The following HMCN2 variants were observed in gnomAD, a reference collection of about 807,000 sequenced individuals.
HMCN2 encodes hemicentin 2.
A neutral mutation model predicts 377.5 loss-of-function variants in HMCN2; 325 were observed. The ratio of observed to expected loss-of-function variants is 0.86; its 90% CI spans 0.79 to 0.94. The LOEUF is 0.94. Ranked by LOEUF, HMCN2 falls within the 40% of genes least tolerant of loss-of-function variation. The pLI is 0.00. For synonymous variants in HMCN2, 2,007 were observed against 2,046.8 expected (o/e 0.98, Z 0.53); for missense variants, 4,543 against 4,725.3 (o/e 0.96, Z 1.13).
chr9:130,387,015 G>C (rs543741665), intron 61 of HMCN2, among the ~76,000 whole-genome samples: 1 of 152,232 alleles, frequency 6.6e-6, no homozygotes, highest in African/African-American at 2.4e-5. Flanking sequence ...TCTATAAAGT[G>C]CTGGGCACAG....
chr9:130,416,396 C>A (rs1315864346), intron 85 of HMCN2, among the ~76,000 whole-genome samples: 1 of 152,176 alleles, frequency 6.6e-6, no homozygotes, highest in Non-Finnish European at 1.5e-5. Context: ...TGAGTCACTG[C>A]GCCTGGCCTC....
intron 87 of HMCN2, among the ~76,000 whole-genome samples, chr9:130,424,342 C>T (rs975351031): frequency 2.0e-5 from 2 of 98,842 alleles, no homozygotes; most frequent in African/African-American, 8.6e-5. Flanking sequence ...CGGCGCCCGG[C>T]TAATTTTTTT....
chr9:130,274,345 C>T lies in HMCN2; in HGVS notation c.259+8208C>T, dbSNP rs143629401. On this transcript the variant is annotated intron_variant, in intron 1 of 97. Transcript: ENST00000683500. ...TACTGGGATTGCAGGTGTGAGCCAC[C>T]GCGCCTGGCCAATGCGTTAATTTTC... 1.5e-3 allele frequency among the ~76,000 whole-genome samples: 223 copies of T among 152,274 alleles called. 2 individuals carry two copies. The highest frequency in any genetic ancestry group is 4.9e-3 in the African/African-American group (205 of 41,536).
chr9:130,430,293 A>G lies in HMCN2; in HGVS notation c.14336A>G (p.Glu4779Gly), dbSNP rs537436236. 6.5e-7 allele frequency: 1 copy of G among 1,538,268 alleles called. No homozygotes were observed. Among genetic ancestry groups the G allele is most frequent in the African/African-American group, 1.4e-5 (1 of 73,086 alleles). The part of the protein sequence containing the change: ...GPSLPCLDVN[E>G]CLQLPKACAY... Reference sequence around the variant, plus strand: ...CCCCACCCGTCTGCAGATGTCAATGAGTGCCTGCAGCTGCCCAAGGCCTGC... The same window carrying G: ...CCCCACCCGTCTGCAGATGTCAATGGGTGCCTGCAGCTGCCCAAGGCCTGC... The change falls in exon 95 of 98, where the codon GAG (glutamate) becomes GGG (glycine). Residue 4779 changes from glutamate to glycine, a missense_variant. By Grantham distance (98) the Glu-to-Gly change is moderately conservative. Coordinates refer to ENST00000683500, the MANE Select transcript of HMCN2 (RefSeq NM_001291815.2).
In HMCN2 at chr9:130,402,880, C is replaced by G; in HGVS notation, c.11862C>G (p.Val3954=). 1 of 1,289,746 alleles carries G rather than the reference C, an allele frequency of 7.8e-7. No individual in the cohort carries two copies. The highest frequency in any genetic ancestry group is 1.0e-6 in the Non-Finnish European group (1 of 988,860). 79.9% of individuals were successfully genotyped at this position (1,289,746 alleles called of 1,614,324 possible). ...RNSAGVAHKH[V]FLTVQASPVV... is the part of the protein sequence containing the mutation. The stretch of plus-strand genomic sequence containing the variant: ...CTGCCGGCGTAGCCCACAAGCACGT[C>G]TTCCTCACTGTGCAAGGTAAGGGTC... Residue 3954 remains valine, a synonymous_variant, in exon 78 of 98, where the codon GTC becomes GTG. Coordinates refer to ENST00000683500, the MANE Select transcript of HMCN2 (RefSeq NM_001291815.2).
chr9:130,335,812 T>G (rs1221188550), intron 22 of HMCN2, among the ~76,000 whole-genome samples: 1 of 152,156 alleles, frequency 6.6e-6, no homozygotes, highest in Non-Finnish European at 1.5e-5. Context: ...CCATGCTGCT[T>G]CTTGGGGAAG....
chr9:130,389,606 G>C (rs1046115448), intron 62 of HMCN2, among the ~76,000 whole-genome samples: 2 of 150,272 alleles, frequency 1.3e-5, no homozygotes, highest in South Asian at 2.1e-4. Context: ...ACGGGGTCTC[G>C]CTCTGTTACC....
chr9:130,368,251 G>A, intron 43 of HMCN2, 25 bp from the exon 44 acceptor site: 1 of 985,566 alleles, frequency 1.0e-6, no homozygotes, highest in South Asian at 4.7e-5. Flanking sequence ...CCCTGGACCA[G>A]GAGTTTCTTT....
intron 15 of HMCN2, among the ~76,000 whole-genome samples, chr9:130,318,112 G>A (rs1231660813): frequency 2.0e-5 from 3 of 152,184 alleles, no homozygotes; most frequent in Admixed American, 6.5e-5. Flanking sequence ...TCTGAGCTTC[G>A]GCGGCTGCCA....
At chr9:130,325,220 G>A (rs956521823) in intron 19 of HMCN2, among the ~76,000 whole-genome samples, 3 of 149,938 alleles carry the variant, frequency 2.0e-5, no homozygotes, top group Non-Finnish European at 3.0e-5. Flanking sequence ...TCAGCCTCCC[G>A]AGTAGCTGGG....
In HMCN2 at chr9:130,414,109, C is replaced by G. The variant is rs1015881397; in HGVS notation, c.12961+3457C>G. Among the ~76,000 whole-genome samples, 2 of 152,202 alleles carry G rather than the reference C, an allele frequency of 1.3e-5. No homozygotes were observed. The highest frequency in any genetic ancestry group is 2.9e-5 in the Non-Finnish European group (2 of 68,042). On this transcript the variant is annotated intron_variant, in intron 85 of 97. Transcript: ENST00000683500. This position sits in a 1 kb window ranked among gnomAD's most constrained non-coding sequence, Gnocchi z 4.4. Reference sequence around the variant, plus strand: ...CCATCATCACACCAACTGGGAGCCTCTAACTTCCACCCTCGCCCCTGTACC... The same window carrying G: ...CCATCATCACACCAACTGGGAGCCTGTAACTTCCACCCTCGCCCCTGTACC...
In HMCN2 at chr9:130,267,649, A is replaced by G. The variant is rs1434178199; in HGVS notation, c.259+1512A>G. 5.9e-5 allele frequency among the ~76,000 whole-genome samples: 9 copies of G among 152,256 alleles called. No individual in the cohort carries two copies. In the East Asian group the frequency reaches 1.5e-3, roughly 26 times the overall value. ...CAAAACAGTGGGAAGACATAGTTCT[A>G]CGTAGGCTTCAGGCTGAGTTTGTGG... On this transcript the variant is annotated intron_variant, in intron 1 of 97. Transcript: ENST00000683500.
At position 130,418,861 on chromosome 9, in the gene HMCN2, A is replaced by G. The variant is rs762626830; in HGVS notation, c.13051A>G (p.Thr4351Ala). The G allele has an allele frequency of 3.5e-5, 55 of 1,549,410 alleles. No individual in the cohort carries two copies. The African/African-American group carries it at 7.4e-4, about 21-fold the overall frequency. Residue 4351 changes from threonine to alanine, a missense_variant, in exon 86 of 98, where the codon ACA (threonine) becomes GCA (alanine). By Grantham distance (58) the Thr-to-Ala change is moderately conservative. Coordinates refer to ENST00000683500, the MANE Select transcript of HMCN2 (RefSeq NM_001291815.2). ...ALRCQATGEP[T>A]PTIEWLQAGQ... ...GCGGTGCCAGGCCACTGGAGAGCCC[A>G]CACCCACCATTGAATGGCTACAGGC... is the stretch of plus-strand genomic sequence containing the variant.
intron 1 of HMCN2, among the ~76,000 whole-genome samples, chr9:130,277,170 C>T (rs375905174): frequency 9.2e-5 from 14 of 152,382 alleles, no homozygotes; most frequent in African/African-American, 2.6e-4. Context: ...ACACCCTCCT[C>T]TTGCCCAGTG....
intron 1 of HMCN2, among the ~76,000 whole-genome samples, chr9:130,279,186 A>G (rs1200862590): frequency 1.3e-5 from 2 of 152,082 alleles, no homozygotes; most frequent in African/African-American, 4.8e-5. Context: ...GGCATGAGCC[A>G]CCTGCCGTGG....
chr9:130,431,520 G>A (rs985550253), intron 96 of HMCN2, 34 bp downstream of exon 96: 76 of 1,543,042 alleles, frequency 4.9e-5, no homozygotes, highest in East Asian at 1.5e-4. Flanking sequence ...CCAAACACCC[G>A]TGGGGCTAGG....
chr9:130,285,349 G>C (rs782722023), intron 3 of HMCN2, 33 bp downstream of exon 3: 2 of 469,294 alleles, frequency 4.3e-6, no homozygotes, highest in South Asian at 3.1e-5. Flanking sequence ...CCCAAAGTGG[G>C]GTCCCCCGGG....
At position 130,365,747 on chromosome 9, in the gene HMCN2, G is replaced by T; in HGVS notation, c.6505+20G>T. On this transcript the variant is annotated intron_variant, in intron 42 of 97. Coordinates refer to ENST00000683500, the MANE Select transcript of HMCN2 (RefSeq NM_001291815.2). The stretch of plus-strand genomic sequence containing the variant: ...TCTGGGGTGAGGGTCTCCCAGGCTG[G>T]GCAGGGGGAGGGGGCTGCTGCCTTG... The T allele has an allele frequency of 1.0e-6, 1 of 984,232 alleles. No individual in the cohort carries two copies. The allele number at this position is 984,232 out of a possible 1,614,324, so 61.0% of individuals were successfully genotyped here.
chr9:130,365,647 T>G lies in HMCN2; in HGVS notation c.6425T>G (p.Val2142Gly). The G allele has an allele frequency of 1.0e-6, 1 of 985,994 alleles. No individual in the cohort carries two copies. The highest frequency in any genetic ancestry group is 1.2e-6 in the Non-Finnish European group (1 of 830,028). The allele number at this position is 985,994 out of a possible 1,614,324, so 61.1% of individuals were successfully genotyped here. A position where few individuals can be genotyped will look rare whatever the true frequency, so the allele number is the denominator to read the frequency against. ...CTCTGCCAGGTGGACAGAGCCGATG[T>G]GTGGGATGCGGGCCATTACACCTGT... is the stretch of plus-strand genomic sequence containing the variant. ...KALLQVDRAD[V>G]WDAGHYTCEA... is the part of the protein sequence containing the mutation. The change falls in exon 42 of 98, where the codon GTG becomes GGG. Residue 2142 changes from valine to glycine, a missense_variant. Coordinates refer to ENST00000683500, the MANE Select transcript of HMCN2 (RefSeq NM_001291815.2).
Sources: allele counts gnomAD v4.1 joint callset (sites outside exome capture counted in the v4.1 genomes callset), GRCh38; gene constraint gnomAD v4.1.1; non-coding constraint Gnocchi (gnomAD v3.1); transcripts MANE v1.5; gene names NCBI Gene and HGNC (gene_info 2026-07-23, HGNC 2026-07-21).